Variants in LPAR1 observed in about 807,000 individuals in gnomAD.
The protein encoded by LPAR1 is LPA receptor 1.
In LPAR1, 5 loss-of-function variants were observed where a neutral mutation model predicts 23.8. The ratio of observed to expected loss-of-function variants is 0.21; its 90% CI spans 0.11 to 0.44. LPAR1 has a LOEUF of 0.44. LPAR1 is among the 20% of genes least tolerant of loss of function. The pLI is 0.99. For synonymous variants in LPAR1, 160 were observed against 164.7 expected (o/e 0.97, Z 0.22); for missense variants, 311 against 482.8 (o/e 0.64, Z 3.33).
chr9:110,978,457 T>C (rs1465911112), intron 2 of LPAR1, among the ~76,000 whole-genome samples: 2 of 152,166 alleles, frequency 1.3e-5, no homozygotes, highest in Non-Finnish European at 2.9e-5. Flanking sequence ...TGCTGAAACC[T>C]GGAAAGGACA....
intron 2 of LPAR1, among the ~76,000 whole-genome samples, chr9:110,991,790 T>C (rs1588722066): frequency 6.6e-6 from 1 of 151,916 alleles, no homozygotes; most frequent in Non-Finnish European, 1.5e-5. Flanking sequence ...ATGGGGTTTC[T>C]CCATGTTGGT....
At chr9:111,007,059 C>G (rs2097232284) in intron 2 of LPAR1, among the ~76,000 whole-genome samples, 1 of 151,762 alleles carries the variant, frequency 6.6e-6, no homozygotes, top group Non-Finnish European at 1.5e-5. Context: ...CTCTCCCTTT[C>G]TCTCTCTCTT....
chr9:111,019,725 G>A (rs2097526321), intron 2 of LPAR1, among the ~76,000 whole-genome samples: 2 of 151,830 alleles, frequency 1.3e-5, no homozygotes, highest in African/African-American at 4.8e-5. Flanking sequence ...GGCACCTGTA[G>A]TCCCAGCTAC....
chr9:110,976,336 C>CAAAAAAAAA (rs11356512), intron 2 of LPAR1, among the ~76,000 whole-genome samples: 1 of 126,756 alleles, frequency 7.9e-6, no homozygotes, highest in Non-Finnish European at 1.6e-5. Flanking sequence ...ACTAAAAATA[C>CAAAAAAAAA]AAAAAAAAAA....
chr9:110,984,896 C>A (rs567657396), intron 2 of LPAR1, among the ~76,000 whole-genome samples: 7 of 151,744 alleles, frequency 4.6e-5, no homozygotes, highest in Non-Finnish European at 8.8e-5. Flanking sequence ...ACATTCTTCA[C>A]CTTTTGAGAA....
At chr9:110,936,189 G>A (rs1011204878) in intron 5 of LPAR1, among the ~76,000 whole-genome samples, 1 of 152,180 alleles carries the variant, frequency 6.6e-6, no homozygotes, top group Admixed American at 6.5e-5. Context: ...TACATCATAA[G>A]CTCTGTAAAG....
intron 5 of LPAR1, among the ~76,000 whole-genome samples, chr9:110,900,872 C>T (rs904502934): frequency 6.6e-6 from 1 of 152,174 alleles, no homozygotes; most frequent in African/African-American, 2.4e-5. Context: ...TCAGCACCTT[C>T]CCTGTGTTTT....
chr9:110,977,565 C>A (rs778952885), intron 2 of LPAR1, among the ~76,000 whole-genome samples: 4 of 152,084 alleles, frequency 2.6e-5, no homozygotes, highest in Non-Finnish European at 4.4e-5. Context: ...AATTAATCTA[C>A]TACAAATGTA....
At chr9:111,009,324 G>A (rs1668698386) in intron 2 of LPAR1, among the ~76,000 whole-genome samples, 1 of 151,750 alleles carries the variant, frequency 6.6e-6, no homozygotes, top group South Asian at 2.1e-4. Context: ...ATTACACAGA[G>A]GCACAGATGG....
rs1389974116 is a variant in LPAR1 at position 111,020,448 on chromosome 9, A to T, written c.-182+15674T>A. On this transcript the variant is annotated intron_variant, in intron 2 of 5. Transcript: ENST00000683809. ...CTGCTTGAGTGTTGAGATTCCCTTG[A>T]ACAATCAGCGAAGTTCAACTGATGC... Among the ~76,000 whole-genome samples, 8 of 152,298 alleles carry T rather than the reference A, an allele frequency of 5.3e-5. No homozygotes were observed. The East Asian group carries it at 1.5e-3, about 29-fold the overall frequency.
At chr9:110,906,582 G>A (rs1271346740) in intron 5 of LPAR1, among the ~76,000 whole-genome samples, 1 of 152,028 alleles carries the variant, frequency 6.6e-6, no homozygotes, top group Non-Finnish European at 1.5e-5. Flanking sequence ...TTGTGTGGTA[G>A]AATATTTTTT....
chr9:111,031,285 G>A (rs189487549), intron 2 of LPAR1, among the ~76,000 whole-genome samples: 16 of 151,832 alleles, frequency 1.1e-4, no homozygotes, highest in Admixed American at 4.6e-4. Flanking sequence ...AGCCAGATGC[G>A]GTGGCTCACA....
chr9:110,968,521 A>T (rs2096294469), intron 4 of LPAR1, among the ~76,000 whole-genome samples: 2 of 152,056 alleles, frequency 1.3e-5, no homozygotes, highest in Admixed American at 1.3e-4. Context: ...AACTCATATT[A>T]ATTTGTCCTC....
intron 2 of LPAR1, among the ~76,000 whole-genome samples, chr9:110,974,959 T>C (rs993599093): frequency 1.3e-5 from 2 of 152,214 alleles, no homozygotes; most frequent in African/African-American, 4.8e-5. Flanking sequence ...GTATTTATTA[T>C]TCCTGGCATT....
At chr9:110,967,465 CTT>C (rs1588594888) in intron 4 of LPAR1, among the ~76,000 whole-genome samples, 1 of 152,178 alleles carries the variant, frequency 6.6e-6, no homozygotes, top group African/African-American at 2.4e-5. Context: ...GAAAAATGCT[CTT>C]TGTTACCCAA....
intron 2 of LPAR1, among the ~76,000 whole-genome samples, chr9:111,031,086 T>C (rs1457982980): frequency 6.6e-6 from 1 of 152,194 alleles, no homozygotes; most frequent in Non-Finnish European, 1.5e-5. Context: ...GAGAGATTTT[T>C]ACATTTACTT....
intron 5 of LPAR1, among the ~76,000 whole-genome samples, chr9:110,919,265 A>T (rs1357287674): frequency 2.0e-5 from 3 of 148,628 alleles, no homozygotes; most frequent in Non-Finnish European, 4.5e-5. Context: ...GCCTCCGCCC[A>T]TTGCTGGCCT....
intron 2 of LPAR1, among the ~76,000 whole-genome samples, chr9:111,023,515 T>G (rs2097607292): frequency 6.6e-6 from 1 of 151,956 alleles, no homozygotes; most frequent in African/African-American, 2.4e-5. Flanking sequence ...TACATTTGGA[T>G]GTTTTTTTTT....
intron 4 of LPAR1, among the ~76,000 whole-genome samples, chr9:110,951,783 C>T (rs2095577103): frequency 6.6e-6 from 1 of 151,934 alleles, no homozygotes; most frequent in South Asian, 2.1e-4. Flanking sequence ...AAAAAAATCA[C>T]ACATGTGCCT....
Sources: gnomAD v4.1 joint callset for allele counts (sites outside exome capture counted in the v4.1 genomes callset) on GRCh38, gnomAD v4.1.1 for gene constraint, MANE v1.5 for transcripts, NCBI Gene and HGNC (gene_info 2026-07-23, HGNC 2026-07-21) for gene names.